SCN11A: variants seen among roughly 807,000 people sequenced by gnomAD.
The protein encoded by SCN11A is sodium channel protein type 11 subunit alpha.
In SCN11A, 122 loss-of-function variants were observed where a neutral mutation model predicts 162.2. The ratio of observed to expected loss-of-function variants is 0.75; its 90% CI spans 0.65 to 0.87. The LOEUF (loss-of-function observed/expected upper bound fraction) is 0.87. SCN11A is among the 40% of genes least tolerant of loss of function. SCN11A has a pLI of 0.00. For missense variants in SCN11A, 2,015 were observed against 2,181.6 expected, an observed-to-expected ratio of 0.92 and a Z score of 1.52; for synonymous variants, 758 against 751.5, an observed-to-expected ratio of 1.01 and a Z score of -0.14.
chr3:38,909,041 T>C lies in SCN11A; in HGVS notation c.1255A>G (p.Lys419Glu). ...AGCTGCTGGGCTTCCTGAAACATCT[T>C]TTCCTTGGCCTCTATCTCTGCAGCT... The part of the protein sequence containing the change: ...NVAAEIEAKE[K>E]MFQEAQQLLK... The change falls in exon 13 of 30, where the codon AAG becomes GAG. Residue 419 changes from lysine (K) to glutamate (E), a missense_variant. Physicochemically the swap from Lys to Glu is moderately conservative, Grantham distance 56. Coordinates refer to ENST00000302328, the MANE Select transcript of SCN11A (RefSeq NM_001349253.2). 9 of 1,613,974 alleles carry C rather than the reference T, an allele frequency of 5.6e-6. No homozygotes were observed. The highest frequency in any genetic ancestry group is 7.6e-6 in the Non-Finnish European group (9 of 1,179,966).
intron 2 of SCN11A, among the ~76,000 whole-genome samples, chr3:38,977,382 A>G (rs2066855821): frequency 6.6e-6 from 1 of 152,332 alleles, no homozygotes; most frequent in African/African-American, 2.4e-5. Context: ...TAAGAATTCT[A>G]TCACCTGAAC....
intron 17 of SCN11A, 77 bp downstream of exon 17, chr3:38,899,817 T>C: frequency 8.6e-7 from 1 of 1,163,916 alleles, no homozygotes; most frequent in Non-Finnish European, 1.2e-6. Flanking sequence ...TAGTACAAGA[T>C]AACCACTGAA....
chr3:39,043,707 T>C (rs528178703), intron 1 of SCN11A, among the ~76,000 whole-genome samples: 20 of 151,556 alleles, frequency 1.3e-4, no homozygotes, highest in Non-Finnish European at 1.2e-4. Context: ...GGTGGGGAGG[T>C]GGAGATGGCT....
intron 3 of SCN11A, among the ~76,000 whole-genome samples, chr3:38,957,707 T>C (rs1006991724): frequency 6.6e-6 from 1 of 152,160 alleles, no homozygotes; most frequent in East Asian, 1.9e-4. Context: ...AAGCAAACAC[T>C]CACCTAGGAG....
intron 2 of SCN11A, among the ~76,000 whole-genome samples, chr3:38,967,424 A>T (rs1262774767): frequency 6.6e-6 from 1 of 152,196 alleles, no homozygotes; most frequent in Non-Finnish European, 1.5e-5. Flanking sequence ...CGTGGGGAGC[A>T]TCTGAGGCCT....
At chr3:39,017,895 T>C (rs1280700732) in intron 2 of SCN11A, among the ~76,000 whole-genome samples, 1 of 152,258 alleles carries the variant, frequency 6.6e-6, no homozygotes, top group Non-Finnish European at 1.5e-5. Flanking sequence ...CAATTTTTGT[T>C]GGGTGGCAGA....
intron 2 of SCN11A, among the ~76,000 whole-genome samples, chr3:39,008,397 A>G (rs574602669): frequency 4.8e-4 from 73 of 152,294 alleles, no homozygotes; most frequent in African/African-American, 1.7e-3. Context: ...AACAAGAAAG[A>G]GGAAGCCTTA....
chr3:38,998,725 C>A (rs1458927064), intron 2 of SCN11A, among the ~76,000 whole-genome samples: 2 of 151,900 alleles, frequency 1.3e-5, no homozygotes, highest in Non-Finnish European at 2.9e-5. Flanking sequence ...TACTATGCAG[C>A]CATAAAAACT....
chr3:38,871,783 GC>G, intron 24 of SCN11A, 75 bp from the exon 25 acceptor site: 1 of 1,218,044 alleles, frequency 8.2e-7, no homozygotes, highest in Non-Finnish European at 1.2e-6. Context: ...CTCAGCATGG[GC>G]CTGATGTGCA....
chr3:38,915,834 G>A (rs2065952863), intron 11 of SCN11A, among the ~76,000 whole-genome samples: 1 of 152,104 alleles, frequency 6.6e-6, no homozygotes, highest in Admixed American at 6.6e-5. Context: ...GTCCAATGTT[G>A]ACTTCAGGTC....
chr3:39,018,585 G>A (rs955054425), intron 2 of SCN11A, among the ~76,000 whole-genome samples: 6 of 152,194 alleles, frequency 3.9e-5, no homozygotes, highest in Admixed American at 1.3e-4. Flanking sequence ...TTTGGAGGCT[G>A]AGGTGGGTGG....
At chr3:39,006,621 G>A (rs7615849) in intron 2 of SCN11A, among the ~76,000 whole-genome samples, 16,170 of 152,152 alleles carry the variant, frequency 0.11, 913 homozygotes, top group Admixed American at 0.14. Flanking sequence ...AAGTCTTCAG[G>A]GTACTTAGAG....
chr3:38,945,593 A>C, intron 6 of SCN11A, 81 bp from the exon 7 acceptor site: 1 of 872,810 alleles, frequency 1.1e-6, no homozygotes, highest in Non-Finnish European at 1.7e-6. Context: ...GGTGCCCCTG[A>C]TGGTCCCCTT....
chr3:39,029,075 A>G (rs1418020556), intron 2 of SCN11A, among the ~76,000 whole-genome samples: 1 of 152,214 alleles, frequency 6.6e-6, no homozygotes, highest in East Asian at 1.9e-4. Context: ...ATTTACTTCA[A>G]TAATGCTTTA....
In SCN11A at chr3:38,847,886, C is replaced by T. The variant is rs1235473435; in HGVS notation, c.4328-144G>A. 25 of 584,118 alleles carry T rather than the reference C, an allele frequency of 4.3e-5. 1 individual carries two copies. The South Asian group carries it at 5.3e-4, about 12-fold the overall frequency. The allele number at this position is 584,118 out of a possible 1,614,324, so 36.2% of individuals were successfully genotyped here. A position where few individuals can be genotyped will look rare whatever the true frequency, so the allele number is the denominator to read the frequency against. ...GTACAAAACTAAGAATTTCTTTTAC[C>T]ACTATCAGGGAAAATACCTATCTGT... On this transcript the variant is annotated intron_variant, in intron 29 of 29. Coordinates refer to ENST00000302328, the MANE Select transcript of SCN11A (RefSeq NM_001349253.2).
intron 16 of SCN11A, among the ~76,000 whole-genome samples, chr3:38,903,304 T>C (rs2065733635): frequency 6.6e-6 from 1 of 152,130 alleles, no homozygotes; most frequent in Non-Finnish European, 1.5e-5. Context: ...CCCCTTAGTT[T>C]TCCCAATTTA....
intron 29 of SCN11A, chr3:38,850,057 C>T (rs9858516): frequency 0.57 from 94,385 of 164,852 alleles, 28,424 homozygotes; most frequent in African/African-American, 0.79. Context: ...TGATCTGGCA[C>T]CCATGTGGAT....
intron 1 of SCN11A, among the ~76,000 whole-genome samples, chr3:39,033,929 C>T (rs2031831943): frequency 6.6e-6 from 1 of 151,948 alleles, no homozygotes; most frequent in South Asian, 2.1e-4. Context: ...CTTTGGGAGG[C>T]CAAGGTGGGC....
intron 17 of SCN11A, among the ~76,000 whole-genome samples, chr3:38,898,782 G>T (rs58232189): frequency 0.055 from 8,353 of 152,068 alleles, 766 homozygotes; most frequent in African/African-American, 0.19. Context: ...TTGCAGGTCA[G>T]TAAGGCTTCT....
Sources: allele counts gnomAD v4.1 joint callset (sites outside exome capture counted in the v4.1 genomes callset), GRCh38; gene constraint gnomAD v4.1.1; transcripts MANE v1.5; gene names NCBI Gene and HGNC (gene_info 2026-07-23, HGNC 2026-07-21).